KIF17: variants seen among roughly 807,000 people sequenced by gnomAD.
KIF17 encodes kinesin family member 17.
In KIF17, 80 loss-of-function variants were observed where a neutral mutation model predicts 96.8. The ratio of observed to expected loss-of-function variants is 0.83; its 90% CI spans 0.69 to 1.00. The LOEUF (loss-of-function observed/expected upper bound fraction) is 1.00, where lower values mean the gene tolerates loss of function less well. KIF17 is among the 50% of genes least tolerant of loss of function. The pLI is 0.00. For synonymous variants in KIF17, 567 were observed against 587.5 expected, an observed-to-expected ratio of 0.97 and a Z score of 0.51; for missense variants, 1,280 against 1,372.9, an observed-to-expected ratio of 0.93 and a Z score of 1.07.
At chr1:20,697,833 A>C (rs1299076474) in intron 6 of KIF17, among the ~76,000 whole-genome samples, 1 of 152,090 alleles carries the variant, frequency 6.6e-6, no homozygotes, top group East Asian at 1.9e-4. Context: ...GCATCGTCTG[A>C]CCCGCTGCTT....
At chr1:20,710,865 TTGTTAGTGGGGTCATAGC>T (rs972668471) in intron 3 of KIF17, among the ~76,000 whole-genome samples, 20 of 152,002 alleles carry the variant, frequency 1.3e-4, no homozygotes, top group African/African-American at 4.6e-4. Flanking sequence ...TCACAGCTGT[TTGTTAGTGGGGTCATAGC>T]TGTTAGTGGG....
chr1:20,674,339 T>G (rs1207581284), intron 11 of KIF17, among the ~76,000 whole-genome samples: 1 of 152,196 alleles, frequency 6.6e-6, no homozygotes, highest in Non-Finnish European at 1.5e-5. Context: ...TGGTTCACTG[T>G]AGCCTCGACC....
At chr1:20,680,577 A>G (rs1047277777) in intron 11 of KIF17, among the ~76,000 whole-genome samples, 9 of 152,278 alleles carry the variant, frequency 5.9e-5, no homozygotes, top group Admixed American at 1.3e-4. Context: ...ACTCTTAAAA[A>G]TAAGAAATAA....
Position 20,684,294 on chromosome 1 carries a change from G to C in KIF17, c.2231+515C>G, listed in dbSNP as rs571922537. ...CTCAGTGTTTGAACTGTGGCCTCTG[G>C]GACTGGGTCTCCGCCTGTTGAACCC... On this transcript the variant is annotated intron_variant, in intron 10 of 14. Transcript: ENST00000400463. 9.5e-4 allele frequency among the ~76,000 whole-genome samples: 145 copies of C among 152,356 alleles called. 2 individuals carry two copies. The highest frequency in any genetic ancestry group is 3.4e-3 in the African/African-American group (141 of 41,578).
chr1:20,711,087 T>C (rs2054427531), intron 3 of KIF17, among the ~76,000 whole-genome samples: 1 of 151,612 alleles, frequency 6.6e-6, no homozygotes, highest in South Asian at 2.1e-4. Context: ...GAGGTTAATA[T>C]GCCTCTCTAA....
chr1:20,691,452 G>A (rs187018032), intron 6 of KIF17, among the ~76,000 whole-genome samples: 1 of 150,826 alleles, frequency 6.6e-6, no homozygotes, highest in East Asian at 2.0e-4. Context: ...CAGCCTCTCA[G>A]TGCTTCTTTT....
rs1179076481 is a variant in KIF17 at position 20,700,695 on chromosome 1, C to G, written c.1124-2207G>C. Among the ~76,000 whole-genome samples the G allele has an allele frequency of 2.0e-5, 3 of 152,210 alleles. No homozygotes were observed. The highest frequency in any genetic ancestry group is 4.4e-5 in the Non-Finnish European group (3 of 68,034). ...GAGGGACTTGCTGGGCAGGGTTAGA[C>G]TGCCCTTCAGGGCGAGCGAATTCCT... is the stretch of plus-strand genomic sequence containing the variant. On this transcript the variant is annotated intron_variant, in intron 5 of 14. Transcript: ENST00000400463. This position sits in a 1 kb window ranked among gnomAD's most constrained non-coding sequence, Gnocchi z 4.6.
chr1:20,668,610 G>C (rs2053577205), intron 13 of KIF17, among the ~76,000 whole-genome samples: 2 of 152,066 alleles, frequency 1.3e-5, no homozygotes, highest in African/African-American at 4.8e-5. Context: ...AGAGATGTTT[G>C]GTTGGAATTC....
chr1:20,714,471 A>C (rs1251763030), intron 2 of KIF17, among the ~76,000 whole-genome samples: 13 of 144,240 alleles, frequency 9.0e-5, no homozygotes, highest in African/African-American at 1.8e-4. Flanking sequence ...GCCTGGGCGA[A>C]AGAGCAAGAC....
At chr1:20,670,284 C>A (rs1035789017) in intron 13 of KIF17, 137 bp downstream of exon 13, 2 of 830,720 alleles carry the variant, frequency 2.4e-6, no homozygotes, top group Non-Finnish European at 4.0e-6. Context: ...TGAAAAGGAT[C>A]CAGCCTTGGC....
intron 4 of KIF17, among the ~76,000 whole-genome samples, chr1:20,705,305 C>T (rs944636308): frequency 1.3e-5 from 2 of 152,154 alleles, no homozygotes; most frequent in Non-Finnish European, 2.9e-5. Context: ...TCATTCAAAA[C>T]AGAAAACATC....
chr1:20,676,755 T>C (rs375481331), intron 11 of KIF17, among the ~76,000 whole-genome samples: 19 of 150,576 alleles, frequency 1.3e-4, no homozygotes, highest in African/African-American at 4.4e-4. Context: ...CACTTGAACC[T>C]GGGGGGCGAA....
Position 20,672,063 on chromosome 1 carries a change from G to C in KIF17, c.2597C>G (p.Pro866Arg), listed in dbSNP as rs769060306. Reference protein sequence around the residue: ...LLQQLLEQVQPLIRRDCNYSN... With the variant: ...LLQQLLEQVQRLIRRDCNYSN... ...GTAGTTACAGTCCCTGCGAATCAGG[G>C]GCTGCACCTGCTCCAGGAGCTGCTG... is the stretch of plus-strand genomic sequence containing the variant. Residue 866 changes from proline to arginine, a missense_variant, in exon 12 of 15, where the codon CCC becomes CGC. Transcript: ENST00000400463. The surrounding 1 kb of genome is among the most constrained non-coding windows in gnomAD (Gnocchi z 4.3). 1 of 1,614,134 alleles carries C rather than the reference G, an allele frequency of 6.2e-7. No homozygotes were observed. The highest frequency in any genetic ancestry group is 8.5e-7 in the Non-Finnish European group (1 of 1,180,036).
rs1016120944 is a variant in KIF17 at position 20,671,906 on chromosome 1, A to G, written c.2722+32T>C. On this transcript the variant is annotated intron_variant, in intron 12 of 14. Coordinates refer to ENST00000400463, the MANE Select transcript of KIF17 (RefSeq NM_001122819.3). Reference sequence around the variant, plus strand: ...CAGGATGGTAAGCCGTGAAGGAGGGAGGGGAGGGCAAGGGCCAGCCAAGCT... The same window carrying G: ...CAGGATGGTAAGCCGTGAAGGAGGGGGGGGAGGGCAAGGGCCAGCCAAGCT... 4 of 1,606,770 alleles carry G rather than the reference A, an allele frequency of 2.5e-6. No individual in the cohort carries two copies. The Admixed American group carries it at 6.7e-5, about 27-fold the overall frequency.
rs754503405 is a variant in KIF17, at chr1:20,698,438, G to T, written c.1174C>A (p.Leu392Met). ...PPDPVQVEEK[L>M]LPQPVIQHDV... is the part of the protein sequence containing the mutation. ...TGCTGGATCACAGGTTGGGGCAACA[G>T]CTTCTCCTCCACCTGCACAGGGTCT... Residue 392 changes from leucine (L) to methionine (M), a missense_variant, in exon 6 of 15, where the codon CTG becomes ATG. Coordinates refer to ENST00000400463, the MANE Select transcript of KIF17 (RefSeq NM_001122819.3). The T allele has an allele frequency of 1.2e-6, 2 of 1,613,842 alleles. No individual in the cohort carries two copies. The highest frequency in any genetic ancestry group is 3.3e-5 in the Admixed American group (2 of 60,022).
At chr1:20,669,362 C>G (rs1328981262) in intron 13 of KIF17, among the ~76,000 whole-genome samples, 3 of 150,548 alleles carry the variant, frequency 2.0e-5, no homozygotes, top group African/African-American at 7.3e-5. Context: ...ACAGTGAAAC[C>G]CCGTCTCTAC....
chr1:20,710,449 C>A (rs79394808), intron 3 of KIF17, among the ~76,000 whole-genome samples: 5,565 of 152,272 alleles, frequency 0.037, 335 homozygotes, highest in African/African-American at 0.13. Context: ...GCCCTCAGGG[C>A]GATGGCAGCA....
intron 14 of KIF17, among the ~76,000 whole-genome samples, chr1:20,665,865 C>T (rs543343272): frequency 2.6e-5 from 4 of 152,180 alleles, no homozygotes; most frequent in Admixed American, 2.0e-4. Flanking sequence ...ACAATGCTGG[C>T]GTGTGACTCG....
chr1:20,691,275 G>C (rs1195544147), intron 6 of KIF17, among the ~76,000 whole-genome samples: 1 of 151,712 alleles, frequency 6.6e-6, no homozygotes, highest in African/African-American at 2.4e-5. Context: ...CTGGGTGACA[G>C]AGTGATACTC....
Sources: gnomAD v4.1 joint callset for allele counts (sites outside exome capture counted in the v4.1 genomes callset) on GRCh38, gnomAD v4.1.1 for gene constraint, Gnocchi (gnomAD v3.1) non-coding constraint, MANE v1.5 for transcripts, NCBI Gene and HGNC (gene_info 2026-07-23, HGNC 2026-07-21) for gene names.